Variants in GPC3 observed in about 807,000 individuals in gnomAD.
GPC3 encodes the protein glypican 3.
GPC3 carries 3 observed loss-of-function variants against 34.4 expected under a neutral mutation model. The observed-to-expected ratio is 0.09, with a 90% CI of 0.04 to 0.23. GPC3 has a LOEUF of 0.23. GPC3 is among the 10% of genes least tolerant of loss of function. The pLI is 1.00. For missense variants in GPC3, 351 were observed against 445.6 expected, an observed-to-expected ratio of 0.79 and a Z score of 1.91; for synonymous variants, 177 against 174.0, an observed-to-expected ratio of 1.02 and a Z score of -0.13.
chrX:133,614,746 C>T (rs757860640), intron 6 of GPC3, among the ~76,000 whole-genome samples: 86 of 111,321 alleles, frequency 7.7e-4, no homozygotes, highest in Non-Finnish European at 1.3e-3. Context: ...AAAATAGAGA[C>T]AATTCATAAA....
intron 2 of GPC3, among the ~76,000 whole-genome samples, chrX:133,834,158 T>C (rs189407123): frequency 4.5e-4 from 50 of 112,335 alleles, no homozygotes; most frequent in Non-Finnish European, 7.3e-4. Flanking sequence ...TTTTGCAATA[T>C]GGTAGGAGTA....
intron 1 of GPC3, among the ~76,000 whole-genome samples, chrX:133,974,727 A>AAG (rs1412151445): frequency 1.8e-5 from 2 of 111,559 alleles, no homozygotes; most frequent in African/African-American, 6.5e-5. Flanking sequence ...TTAACTCCAG[A>AAG]AGAATATATA....
intron 4 of GPC3, among the ~76,000 whole-genome samples, chrX:133,696,896 G>A (rs1169328505): frequency 8.9e-6 from 1 of 112,474 alleles, no homozygotes; most frequent in Non-Finnish European, 1.9e-5. Context: ...TCAGGAAAAA[G>A]TCTCTTCATA....
intron 2 of GPC3, among the ~76,000 whole-genome samples, chrX:133,891,532 G>T (rs2076087243): frequency 9.1e-6 from 1 of 110,425 alleles, no homozygotes; most frequent in Non-Finnish European, 1.9e-5. Context: ...ACTTTGGAAG[G>T]CCAAGGCAGA....
At chrX:133,909,247 C>T (rs1276840007) in intron 2 of GPC3, among the ~76,000 whole-genome samples, 2 of 112,692 alleles carry the variant, frequency 1.8e-5, no homozygotes, top group African/African-American at 6.4e-5. Context: ...GATCAACCAG[C>T]TGTGAATCTG....
chrX:133,732,010 G>A (rs1193016743), intron 3 of GPC3, among the ~76,000 whole-genome samples: 2 of 112,297 alleles, frequency 1.8e-5, no homozygotes, highest in Non-Finnish European at 3.8e-5. Flanking sequence ...ATCCAGGATA[G>A]TTGGCTGTGG....
At chrX:133,875,298 C>T (rs997070837) in intron 2 of GPC3, among the ~76,000 whole-genome samples, 20 of 111,696 alleles carry the variant, frequency 1.8e-4, no homozygotes, top group East Asian at 2.8e-4. Flanking sequence ...TTTTACAATG[C>T]CACATGTTGT....
intron 2 of GPC3, among the ~76,000 whole-genome samples, chrX:133,756,527 T>C (rs2071727407): frequency 1.8e-5 from 2 of 112,417 alleles, no homozygotes; most frequent in South Asian, 7.4e-4. Flanking sequence ...AAATGAATTC[T>C]ATACAAGGCA....
intron 2 of GPC3, among the ~76,000 whole-genome samples, chrX:133,799,283 T>C (rs1056090051): frequency 1.8e-5 from 2 of 111,626 alleles, no homozygotes; most frequent in African/African-American, 6.5e-5. Context: ...TCCCAGTTAC[T>C]TGGGAGGCTG....
chrX:133,925,851 T>G (rs2076272616), intron 2 of GPC3, among the ~76,000 whole-genome samples: 1 of 111,744 alleles, frequency 8.9e-6, no homozygotes, highest in Non-Finnish European at 1.9e-5. Context: ...AGTAGAAACC[T>G]ACTTGAGTAG....
At position 133,636,276 on chromosome X, in the gene GPC3, T is replaced by C. The variant is rs2070423500; in HGVS notation, c.1413+25454A>G. 5.3e-5 allele frequency among the ~76,000 whole-genome samples: 6 copies of C among 112,350 alleles called. No homozygotes were observed. In the South Asian group the frequency reaches 2.2e-3, roughly 41 times the overall value. ...AGACAGGATGCGAGAGAGCCAATATTGTACATAGCTGAAAGGACAAGGGAA... is the reference window on the plus strand; with the variant it reads ...AGACAGGATGCGAGAGAGCCAATATCGTACATAGCTGAAAGGACAAGGGAA... On this transcript the variant is annotated intron_variant, in intron 6 of 7. Transcript: ENST00000370818.
intron 2 of GPC3, among the ~76,000 whole-genome samples, chrX:133,870,754 C>T (rs2075990863): frequency 9.0e-6 from 1 of 111,597 alleles, no homozygotes; most frequent in South Asian, 3.8e-4. Context: ...CATCCTCTTC[C>T]TCAACTCCAA....
intron 2 of GPC3, among the ~76,000 whole-genome samples, chrX:133,790,236 C>T (rs1008448343): frequency 2.7e-5 from 3 of 111,166 alleles, no homozygotes; most frequent in African/African-American, 6.5e-5. Flanking sequence ...CAGAGAAAGA[C>T]GAATATGTAG....
chrX:133,637,629 G>T (rs1010871267), intron 6 of GPC3, among the ~76,000 whole-genome samples: 5 of 110,495 alleles, frequency 4.5e-5, no homozygotes, highest in African/African-American at 1.6e-4. Flanking sequence ...ATTCTCTTTT[G>T]TATTATTTAT....
At chrX:133,741,165 G>A (rs1431711438) in intron 3 of GPC3, among the ~76,000 whole-genome samples, 1 of 109,747 alleles carries the variant, frequency 9.1e-6, no homozygotes, top group Non-Finnish European at 1.9e-5. Flanking sequence ...AGAATGAGAT[G>A]GCAGCCATCT....
At chrX:133,591,179 C>T (rs747421670) in intron 7 of GPC3, among the ~76,000 whole-genome samples, 7 of 111,716 alleles carry the variant, frequency 6.3e-5, no homozygotes, top group South Asian at 3.8e-4. Context: ...TAACATATTC[C>T]GAGCCATGCT....
At chrX:133,817,159 C>G (rs980679378) in intron 2 of GPC3, among the ~76,000 whole-genome samples, 1 of 111,675 alleles carries the variant, frequency 9.0e-6, no homozygotes, top group Non-Finnish European at 1.9e-5. Context: ...CTCTGTTTTC[C>G]CCCATATATC....
intron 5 of GPC3, among the ~76,000 whole-genome samples, chrX:133,688,903 G>T (rs1169242079): frequency 2.7e-5 from 3 of 111,349 alleles, no homozygotes; most frequent in African/African-American, 9.8e-5. Context: ...TCAGGCTAAA[G>T]AACTTCATAT....
At chrX:133,573,576 AGTATACAAAAATCAATT>A (rs1434967554) in intron 7 of GPC3, among the ~76,000 whole-genome samples, 1 of 112,384 alleles carries the variant, frequency 8.9e-6, no homozygotes, top group Non-Finnish European at 1.9e-5. Flanking sequence ...ATAGAAGATC[AGTATACAAAAATCAATT>A]GTATACAAAA....
Sources: allele counts gnomAD v4.1 joint callset (sites outside exome capture counted in the v4.1 genomes callset), GRCh38; gene constraint gnomAD v4.1.1; transcripts MANE v1.5; gene names NCBI Gene and HGNC (gene_info 2026-07-23, HGNC 2026-07-21).